Variants in ACCSL observed in about 807,000 individuals in gnomAD.
The protein encoded by ACCSL is 1-aminocyclopropane-1-carboxylate synthase homolog (inactive) like, also known as probable inactive 1-aminocyclopropane-1-carboxylate synthase-like protein 2.
Under a neutral mutation model 61.7 loss-of-function variants are expected in ACCSL, and 55 were observed. The observed-to-expected ratio is 0.89, with a 90% CI of 0.72 to 1.12. The LOEUF is 1.12. Ranked by LOEUF, ACCSL falls within the 50% of genes most tolerant of loss-of-function variation. The pLI, the probability that ACCSL is intolerant of heterozygous loss-of-function variation, is 0.00. For synonymous variants in ACCSL, 258 were observed against 264.3 expected, an observed-to-expected ratio of 0.98 and a Z score of 0.23; for missense variants, 632 against 698.0, an observed-to-expected ratio of 0.91 and a Z score of 1.07.
chr11:44,024,237 T>G, the ACCSL span, among the ~76,000 whole-genome samples: 2 of 152,256 alleles, frequency 1.3e-5, no homozygotes, highest in South Asian at 4.1e-4. Flanking sequence ...TTTCTCCTGC[T>G]CTTGGACTGG....
chr11:44,048,648 A>G (rs978132695), intron 1 of ACCSL, 108 bp downstream of exon 1: 2 of 1,103,718 alleles, frequency 1.8e-6, no homozygotes, highest in Middle Eastern at 2.7e-4. Flanking sequence ...TTATAGCCTT[A>G]TGAAACGGGC....
the ACCSL span, chr11:43,933,448 C>G: frequency 1.3e-5 from 3 of 231,658 alleles, no homozygotes; most frequent in Admixed American, 4.5e-5. Context: ...CCTCCCCTCT[C>G]TGGTCTTCTC....
chr11:43,966,032 T>C, the ACCSL span, among the ~76,000 whole-genome samples: 2 of 152,190 alleles, frequency 1.3e-5, no homozygotes, highest in Non-Finnish European at 2.9e-5. Flanking sequence ...GGGTAAGTCT[T>C]CACGACCTTG....
At chr11:43,956,773 C>G in the ACCSL span, among the ~76,000 whole-genome samples, 1 of 152,154 alleles carries the variant, frequency 6.6e-6, no homozygotes, top group South Asian at 2.1e-4. Flanking sequence ...AGACAATTGA[C>G]TGTTTCAATC....
the ACCSL span, among the ~76,000 whole-genome samples, chr11:43,937,429 T>G: frequency 2.0e-5 from 3 of 152,168 alleles, no homozygotes; most frequent in South Asian, 4.1e-4. Context: ...GGGCAGACAG[T>G]CAAGTGGCTT....
the ACCSL span, among the ~76,000 whole-genome samples, chr11:43,927,338 T>C: frequency 1.3e-5 from 2 of 152,198 alleles, no homozygotes. Context: ...ATCACGAGAA[T>C]GGAGGGAGGG....
the ACCSL span, among the ~76,000 whole-genome samples, chr11:43,970,796 T>C: frequency 6.6e-6 from 1 of 152,336 alleles, no homozygotes; most frequent in East Asian, 1.9e-4. Flanking sequence ...ATGAGTTATA[T>C]TGAGGCTTAA....
the ACCSL span, among the ~76,000 whole-genome samples, chr11:43,989,014 G>A: frequency 1.3e-5 from 2 of 151,954 alleles, no homozygotes; most frequent in Admixed American, 6.6e-5. Flanking sequence ...GTCCTCCCTG[G>A]GTTCTAACTG....
the ACCSL span, among the ~76,000 whole-genome samples, chr11:44,022,475 A>T: frequency 5.9e-5 from 9 of 152,206 alleles, no homozygotes; most frequent in Middle Eastern, 3.4e-3. Flanking sequence ...GTATCTTGAA[A>T]CTTTACGGAA....
At chr11:43,959,909 C>T in the ACCSL span, among the ~76,000 whole-genome samples, 5 of 152,140 alleles carry the variant, frequency 3.3e-5, no homozygotes, top group African/African-American at 9.7e-5. Context: ...GAATAATTCA[C>T]GCCAGACTCA....
intron 13 of ACCSL, among the ~76,000 whole-genome samples, chr11:44,059,058 T>C (rs1347422527): frequency 2.0e-5 from 3 of 152,088 alleles, no homozygotes; most frequent in Non-Finnish European, 2.9e-5. Flanking sequence ...CTGGCCAGCA[T>C]GGTAAAACCC....
the ACCSL span, among the ~76,000 whole-genome samples, chr11:43,980,996 G>A: frequency 9.2e-5 from 14 of 152,316 alleles, no homozygotes; most frequent in Admixed American, 9.2e-4. Flanking sequence ...ATTGTTTTAA[G>A]TAGCCCCAGA....
chr11:43,933,098 A>G, the ACCSL span: 2 of 456,098 alleles, frequency 4.4e-6, no homozygotes, highest in African/African-American at 4.0e-5. Context: ...AGTAGGCAGA[A>G]GACTCTGCTT....
At chr11:43,927,245 A>T in the ACCSL span, among the ~76,000 whole-genome samples, 1 of 152,158 alleles carries the variant, frequency 6.6e-6, no homozygotes, top group Non-Finnish European at 1.5e-5. Flanking sequence ...TTGTTATTTA[A>T]CCAGTTCCTT....
the ACCSL span, among the ~76,000 whole-genome samples, chr11:43,985,331 G>A: frequency 1.3e-5 from 2 of 152,192 alleles, no homozygotes; most frequent in Non-Finnish European, 2.9e-5. Context: ...TTCCTGGCAG[G>A]AAGCTGGCAG....
chr11:43,929,151 G>A, the ACCSL span, among the ~76,000 whole-genome samples: 9 of 152,194 alleles, frequency 5.9e-5, no homozygotes, highest in African/African-American at 1.2e-4. Context: ...TCTCAGTACC[G>A]GCAGCTATTC....
the ACCSL span, among the ~76,000 whole-genome samples, chr11:44,017,459 A>G: frequency 6.6e-6 from 1 of 152,174 alleles, no homozygotes; most frequent in African/African-American, 2.4e-5. Flanking sequence ...GCATAGAGGA[A>G]TGATGTCTGC....
the ACCSL span, among the ~76,000 whole-genome samples, chr11:43,985,718 A>G: frequency 6.6e-6 from 1 of 152,320 alleles, no homozygotes; most frequent in Admixed American, 6.5e-5. Flanking sequence ...TGTCACCATT[A>G]TTAATATCCA....
At chr11:44,031,314 C>G in the ACCSL span, among the ~76,000 whole-genome samples, 146 of 152,278 alleles carry the variant, frequency 9.6e-4, no homozygotes, top group Middle Eastern at 0.02. Context: ...TCCGGCTCCC[C>G]CAGGGTATCT....
Sources: gnomAD v4.1 joint callset for allele counts (sites outside exome capture counted in the v4.1 genomes callset) on GRCh38, gnomAD v4.1.1 for gene constraint, MANE v1.5 for transcripts, NCBI Gene and HGNC (gene_info 2026-07-23, HGNC 2026-07-21) for gene names.